TRDN: variants seen among roughly 807,000 people sequenced by gnomAD.
The protein encoded by TRDN is triadin.
A neutral mutation model predicts 149.7 loss-of-function variants in TRDN; 161 were observed. That is an observed-to-expected ratio of 1.08 (90% CI 0.95 to 1.23). The LOEUF (loss-of-function observed/expected upper bound fraction) is 1.23, where lower values mean the gene tolerates loss of function less well. Among genes scored for constraint, TRDN ranks in the 50% most tolerant of loss-of-function variants. TRDN has a pLI of 0.00. For missense variants in TRDN, 896 were observed against 823.5 expected (o/e 1.09, Z -1.08); for synonymous variants, 294 against 250.5 (o/e 1.17, Z -1.64).
intron 33 of TRDN, among the ~76,000 whole-genome samples, chr6:123,261,710 A>G (rs994329838): frequency 1.3e-5 from 2 of 151,844 alleles, no homozygotes; most frequent in Non-Finnish European, 2.9e-5. Flanking sequence ...ATGACAATGA[A>G]GGTATACAAT....
chr6:123,313,939 CAA>C (rs879157132), intron 24 of TRDN, among the ~76,000 whole-genome samples: 3 of 151,978 alleles, frequency 2.0e-5, no homozygotes, highest in Admixed American at 2.0e-4. Flanking sequence ...TAGGCACTGG[CAA>C]AGATTTCATG....
chr6:123,510,958 G>A (rs548183198), intron 7 of TRDN, among the ~76,000 whole-genome samples: 1 of 152,128 alleles, frequency 6.6e-6, no homozygotes, highest in Admixed American at 6.5e-5. Context: ...ATTTCTTTTT[G>A]ATGCAAGAAA....
chr6:123,334,204 G>A (rs1035651302), intron 22 of TRDN, among the ~76,000 whole-genome samples: 3 of 151,936 alleles, frequency 2.0e-5, no homozygotes, highest in Non-Finnish European at 4.4e-5. Context: ...GGAAGTTGGG[G>A]GATCATAAGT....
At chr6:123,375,159 C>A (rs953925489) in intron 19 of TRDN, among the ~76,000 whole-genome samples, 1 of 151,978 alleles carries the variant, frequency 6.6e-6, no homozygotes, top group Non-Finnish European at 1.5e-5. Flanking sequence ...AGAATAGAAA[C>A]CTTAAAAGGG....
At chr6:123,372,155 A>G (rs1412575217) in intron 19 of TRDN, among the ~76,000 whole-genome samples, 1 of 152,066 alleles carries the variant, frequency 6.6e-6, no homozygotes, top group Non-Finnish European at 1.5e-5. Flanking sequence ...TCCATGCCAG[A>G]GTATTTAAAC....
chr6:123,520,391 T>C (rs1404581512), intron 5 of TRDN, among the ~76,000 whole-genome samples: 2 of 152,096 alleles, frequency 1.3e-5, no homozygotes, highest in Non-Finnish European at 2.9e-5. Context: ...AGGAAAAGAA[T>C]GTAGTTATCT....
intron 4 of TRDN, 65 bp downstream of exon 4, chr6:123,547,275 C>A: frequency 1.0e-6 from 1 of 968,868 alleles, no homozygotes; most frequent in Non-Finnish European, 1.5e-6. Context: ...TATATTTGAA[C>A]CATGCTGAAA....
chr6:123,548,040 CAT>C (rs1208449350), intron 3 of TRDN, among the ~76,000 whole-genome samples: 7 of 152,098 alleles, frequency 4.6e-5, no homozygotes, highest in Non-Finnish European at 8.8e-5. Flanking sequence ...ATAAATATGA[CAT>C]ATGTGTATAA....
At chr6:123,381,905 T>C (rs1781733093) in intron 15 of TRDN, among the ~76,000 whole-genome samples, 1 of 151,952 alleles carries the variant, frequency 6.6e-6, no homozygotes, top group African/African-American at 2.4e-5. Context: ...AGTATTTATT[T>C]CCATTACTGC....
At chr6:123,308,793 A>G (rs1389961681) in intron 24 of TRDN, among the ~76,000 whole-genome samples, 1 of 152,028 alleles carries the variant, frequency 6.6e-6, no homozygotes, top group Non-Finnish European at 1.5e-5. Context: ...AAGCCATTAT[A>G]ACACAGTACA....
intron 1 of TRDN, among the ~76,000 whole-genome samples, chr6:123,622,523 T>C (rs1785452501): frequency 1.3e-5 from 2 of 152,264 alleles, no homozygotes; most frequent in South Asian, 2.1e-4. Flanking sequence ...GTCAACCGCA[T>C]ATGTGAGTTA....
At chr6:123,627,384 C>A (rs1466287774) in intron 1 of TRDN, among the ~76,000 whole-genome samples, 1 of 152,098 alleles carries the variant, frequency 6.6e-6, no homozygotes, top group African/African-American at 2.4e-5. Flanking sequence ...TGTCAATAAG[C>A]AGAAATACTT....
chr6:123,505,035 G>A (rs1778855737), intron 7 of TRDN, among the ~76,000 whole-genome samples: 1 of 152,136 alleles, frequency 6.6e-6, no homozygotes, highest in South Asian at 2.1e-4. Context: ...CATGAGGTCA[G>A]CAGATCAAGA....
At chr6:123,511,830 C>T (rs1005450334) in intron 7 of TRDN, among the ~76,000 whole-genome samples, 5 of 152,018 alleles carry the variant, frequency 3.3e-5, no homozygotes, top group Admixed American at 1.3e-4. Flanking sequence ...ATTCTTCTCA[C>T]GTTTTCAAGA....
Position 123,404,736 on chromosome 6 carries a change from C to T in TRDN, c.1052-11059G>A, listed in dbSNP as rs180957766. ...CTGGGATTACAGGCGTGAGCCACTG[C>T]GCCTCCCATGGACTGTTCTTTAGTT... On this transcript the variant is annotated intron_variant, in intron 12 of 40. Transcript: ENST00000334268. 1.5e-4 allele frequency among the ~76,000 whole-genome samples: 23 copies of T among 152,308 alleles called. No individual in the cohort carries two copies. In the East Asian group the frequency reaches 2.1e-3, roughly 14 times the overall value.
At chr6:123,464,405 T>C (rs769927256) in intron 10 of TRDN, 3 of 967,410 alleles carry the variant, frequency 3.1e-6, no homozygotes, top group Admixed American at 5.7e-5. Flanking sequence ...TGTGTATATA[T>C]ATATTTCAAT....
intron 4 of TRDN, among the ~76,000 whole-genome samples, chr6:123,537,006 T>A (rs547728053): frequency 1.3e-5 from 2 of 152,128 alleles, no homozygotes; most frequent in African/African-American, 4.8e-5. Flanking sequence ...AAATTGTAAT[T>A]ATATTAAGGA....
At chr6:123,345,004 G>A (rs1488072489) in intron 21 of TRDN, among the ~76,000 whole-genome samples, 1 of 151,896 alleles carries the variant, frequency 6.6e-6, no homozygotes, top group African/African-American at 2.4e-5. Context: ...GACATGTTAT[G>A]TTGAACATCT....
Position 123,516,137 on chromosome 6 carries a change from A to T in TRDN, c.550+4T>A. The T allele has an allele frequency of 1.3e-6, 2 of 1,489,658 alleles. No individual in the cohort carries two copies. The highest frequency in any genetic ancestry group is 1.8e-6 in the Non-Finnish European group (2 of 1,108,236). The allele number at this position is 1,489,658 out of a possible 1,614,324, so 92.3% of individuals were successfully genotyped here. ...GTTAAACAGTAATAAAAGTAACTTC[A>T]TACCTTTCTTTTCAGGTTTTTCTTT... On this transcript the variant is annotated splice_donor_region_variant and intron_variant, in intron 6 of 40. Transcript: ENST00000334268.
Sources: allele counts gnomAD v4.1 joint callset (sites outside exome capture counted in the v4.1 genomes callset), GRCh38; gene constraint gnomAD v4.1.1; transcripts MANE v1.5; gene names NCBI Gene and HGNC (gene_info 2026-07-23, HGNC 2026-07-21).